The following PPHLN1 variants were observed in gnomAD, a reference collection of about 807,000 sequenced individuals.
The protein encoded by PPHLN1 is periphilin-1.
In PPHLN1, 29 loss-of-function variants were observed where a neutral mutation model predicts 51.3. The observed-to-expected ratio is 0.57, with a 90% CI of 0.42 to 0.77. The LOEUF (loss-of-function observed/expected upper bound fraction) is 0.77. Ranked by LOEUF, PPHLN1 falls within the 30% of genes least tolerant of loss-of-function variation. The pLI is 0.00. For missense variants in PPHLN1, 436 were observed against 438.4 expected (o/e 0.99, Z 0.05); for synonymous variants, 147 against 147.8 (o/e 0.99, Z 0.04).
rs148696848 is a variant in PPHLN1 at position 42,357,645 on chromosome 12, A to G, written c.299+2423A>G. 5.1e-3 allele frequency among the ~76,000 whole-genome samples: 771 copies of G among 152,306 alleles called. 3 individuals are homozygous for G. The highest frequency in any genetic ancestry group is 0.011 in the Admixed American group (161 of 15,298). On this transcript the variant is annotated intron_variant, in intron 4 of 9. Transcript: ENST00000358314. ...GCAGAATTGTAAAACACTTTTAAAAACTAGATCAGCTAGTGGCTTATCTTT... is the reference window on the plus strand; with the variant it reads ...GCAGAATTGTAAAACACTTTTAAAAGCTAGATCAGCTAGTGGCTTATCTTT...
chr12:42,351,542 T>C (rs2073354641), intron 2 of PPHLN1: 1 of 159,732 alleles, frequency 6.3e-6, no homozygotes, highest in African/African-American at 2.4e-5. Flanking sequence ...TAATTTTATT[T>C]CTAAAATTGT....
In PPHLN1 at chr12:42,377,242, T is replaced by C. The variant is rs562661697; in HGVS notation, c.511+2168T>C. On this transcript the variant is annotated intron_variant, in intron 5 of 9. Transcript: ENST00000358314. ...CTCTAAGCACTAATGAATGCTCACA[T>C]GCACAGACATATCCAAAATTAGCCA... Among the ~76,000 whole-genome samples, 6 of 151,728 alleles carry C rather than the reference T, an allele frequency of 4.0e-5. No individual in the cohort carries two copies. The South Asian group carries it at 1.2e-3, about 32-fold the overall frequency.
At chr12:42,381,156 C>T (rs1300885847) in intron 5 of PPHLN1, among the ~76,000 whole-genome samples, 4 of 152,164 alleles carry the variant, frequency 2.6e-5, no homozygotes, top group Non-Finnish European at 5.9e-5. Flanking sequence ...TATTAATGCA[C>T]TGTTGAATTA....
chr12:42,444,804 G>A, downstream of PPHLN1: 1 of 502,486 alleles, frequency 2.0e-6, no homozygotes. Flanking sequence ...TAGTACTTCT[G>A]TAGTTATTCC....
chr12:42,439,456 A>G (rs952293247), intron 9 of PPHLN1, among the ~76,000 whole-genome samples: 7 of 152,348 alleles, frequency 4.6e-5, no homozygotes, highest in Middle Eastern at 6.8e-3. Flanking sequence ...TCTTCTGCCA[A>G]TGGCATACAA....
chr12:42,411,829 C>T (rs538638572), intron 9 of PPHLN1, among the ~76,000 whole-genome samples: 55 of 134,738 alleles, frequency 4.1e-4, no homozygotes, highest in Middle Eastern at 4.9e-3. Flanking sequence ...CGCTGGCACC[C>T]AGAGGTGGAG....
At chr12:42,375,126 A>C in intron 5 of PPHLN1, 52 bp downstream of exon 5, 1 of 1,325,108 alleles carries the variant, frequency 7.5e-7, no homozygotes, top group African/African-American at 1.5e-5. Flanking sequence ...TCTGATGAGA[A>C]TGTACTGAGT....
At chr12:42,328,196 A>ATCCCGTTTGGAAAAAGATT (rs1481474617) in intron 1 of PPHLN1, among the ~76,000 whole-genome samples, 1 of 152,192 alleles carries the variant, frequency 6.6e-6, no homozygotes, top group Non-Finnish European at 1.5e-5. Flanking sequence ...GGAAAAAGAT[A>ATCCCGTTTGGAAAAAGATT]TCCCGTTTGG....
At chr12:42,437,454 G>A (rs1056430528) in intron 9 of PPHLN1, among the ~76,000 whole-genome samples, 36 of 152,206 alleles carry the variant, frequency 2.4e-4, no homozygotes, top group African/African-American at 7.9e-4. Flanking sequence ...ACTGAAACTC[G>A]GGCACAAAAG....
chr12:42,441,516 C>G lies in PPHLN1; in HGVS notation c.*7C>G. 1 of 1,540,110 alleles carries G rather than the reference C, an allele frequency of 6.5e-7. No individual in the cohort carries two copies. On this transcript the variant is annotated 3_prime_UTR_variant, in exon 10 of 10. Coordinates refer to ENST00000358314, the MANE Select transcript of PPHLN1 (RefSeq NM_201439.2). ...TTTTGGAGAGCCTTTTTAGATTTTT[C>G]TGCTCAGGCTAAAAAAAAAAAAAAA... is the stretch of plus-strand genomic sequence containing the variant.
At chr12:42,414,473 A>G (rs1245877074) in intron 9 of PPHLN1, among the ~76,000 whole-genome samples, 2 of 152,202 alleles carry the variant, frequency 1.3e-5, no homozygotes, top group Admixed American at 6.5e-5. Flanking sequence ...TTCTCCTTGT[A>G]GAAATCTTTC....
rs1476690035 is a variant in PPHLN1, at chr12:42,404,553, A to AAC, written c.909+5560_909+5561insCA. On this transcript the variant is annotated intron_variant, in intron 9 of 9. Transcript: ENST00000358314. ...TCAACAACAACAACAACAACAACAA[A>AAC]AATATTTCATAGCAAGTTTGTGATA... is the stretch of plus-strand genomic sequence containing the variant. Among the ~76,000 whole-genome samples the AAC allele has an allele frequency of 2.7e-5, 3 of 109,450 alleles. No homozygotes were observed. The Admixed American group carries it at 2.8e-4, about 10-fold the overall frequency. The allele number at this position is 109,450 out of a possible 152,430, so 71.8% of individuals were successfully genotyped here.
At chr12:42,398,634 G>C (rs2078500825) in intron 8 of PPHLN1, 1 of 380,354 alleles carries the variant, frequency 2.6e-6, no homozygotes, top group African/African-American at 2.0e-5. Context: ...GCAAATTCAT[G>C]AAGTGTTCCA....
At chr12:42,425,746 CAAA>C (rs766840096) in intron 9 of PPHLN1, among the ~76,000 whole-genome samples, 4 of 152,098 alleles carry the variant, frequency 2.6e-5, no homozygotes, top group African/African-American at 7.2e-5. Context: ...TCATGGGTAA[CAAA>C]AAACACAGGA....
chr12:42,354,087 A>G (rs1049255203), intron 3 of PPHLN1, among the ~76,000 whole-genome samples: 2 of 152,180 alleles, frequency 1.3e-5, no homozygotes, highest in African/African-American at 2.4e-5. Flanking sequence ...TAATATTGAG[A>G]TGGAAAATGA....
intron 9 of PPHLN1, among the ~76,000 whole-genome samples, chr12:42,425,392 A>AGGTTTTTAAAATGAC (rs1298911007): frequency 2.4e-5 from 2 of 82,826 alleles, no homozygotes; most frequent in African/African-American, 5.5e-5. Flanking sequence ...CGCCCAGCCT[A>AGGTTTTTAAAATGAC]TTTTATTTTA....
At chr12:42,375,538 C>G (rs1362693268) in intron 5 of PPHLN1, among the ~76,000 whole-genome samples, 1 of 152,018 alleles carries the variant, frequency 6.6e-6, no homozygotes, top group Non-Finnish European at 1.5e-5. Flanking sequence ...TCTCAAACTC[C>G]TGATCTCGTG....
In PPHLN1 at chr12:42,442,096, ACT is replaced by A. The variant is rs1270498302; in HGVS notation, c.*593_*594del. 4 of 389,860 alleles carry A rather than the reference ACT, an allele frequency of 1.0e-5. No homozygotes were observed. Among genetic ancestry groups the A allele is most frequent in the Non-Finnish European group, 1.4e-5 (4 of 285,928 alleles). 24.2% of individuals were successfully genotyped at this position (389,860 alleles called of 1,614,324 possible). ...TATTACAATAATCCTGAAACTCCTGACTCTCTCACTGATGTATGAGTCTTAAA... is the reference window on the plus strand; with the variant it reads ...TATTACAATAATCCTGAAACTCCTGACTCTCACTGATGTATGAGTCTTAAA... On this transcript the variant is annotated 3_prime_UTR_variant, in exon 10 of 10. Transcript: ENST00000358314.
In PPHLN1 at chr12:42,393,625, A is replaced by G. The variant is rs767298263; in HGVS notation, c.704A>G (p.Lys235Arg). ...AAGGAACTTGCTGAGGCTGCAAGCAAGTGGGCTGCTGAAAAGCTAGAGAAA... is the reference window on the plus strand; with the variant it reads ...AAGGAACTTGCTGAGGCTGCAAGCAGGTGGGCTGCTGAAAAGCTAGAGAAA... ...TEKELAEAASKWAAEKLEKSD... is the reference protein window; with the variant it reads ...TEKELAEAASRWAAEKLEKSD... The change falls in exon 8 of 10, where the codon AAG becomes AGG. Residue 235 changes from lysine to arginine, a missense_variant. Coordinates refer to ENST00000358314, the MANE Select transcript of PPHLN1 (RefSeq NM_201439.2). The G allele has an allele frequency of 3.1e-6, 5 of 1,611,540 alleles. No individual in the cohort carries two copies. Among genetic ancestry groups the G allele is most frequent in the Non-Finnish European group, 3.4e-6 (4 of 1,178,972 alleles).
Sources: gnomAD v4.1 joint callset for allele counts (sites outside exome capture counted in the v4.1 genomes callset) on GRCh38, gnomAD v4.1.1 for gene constraint, MANE v1.5 for transcripts, NCBI Gene and HGNC (gene_info 2026-07-23, HGNC 2026-07-21) for gene names.